NAB2: variants seen among roughly 807,000 people sequenced by gnomAD.
NAB2 encodes the protein NGFI-A binding protein 2.
NAB2 carries 9 observed loss-of-function variants against 44.2 expected under a neutral mutation model. The ratio of observed to expected loss-of-function variants is 0.20; its 90% CI spans 0.12 to 0.36. The LOEUF (loss-of-function observed/expected upper bound fraction) is 0.36. NAB2 is among the 10% of genes least tolerant of loss of function. The pLI, the probability that NAB2 is intolerant of heterozygous loss-of-function variation, is 1.00. For synonymous variants in NAB2, 342 were observed against 291.0 expected (o/e 1.18, Z -1.78); for missense variants, 514 against 709.0 (o/e 0.73, Z 3.12).
chr12:57,094,216 C>T (rs952088933), intron 6 of NAB2, among the ~76,000 whole-genome samples: 13 of 139,106 alleles, frequency 9.3e-5, no homozygotes, highest in Non-Finnish European at 1.5e-4. Flanking sequence ...TACCAAAAAA[C>T]TTGGGGGGCC....
chr12:57,094,617 G>T lies in NAB2; in HGVS notation c.1474G>T (p.Glu492Ter). The change falls in exon 7 of 7, where the codon GAG becomes TAG. Residue 492 changes from glutamate (E) to a stop codon, truncating the protein, a stop_gained. Coordinates refer to ENST00000300131, the MANE Select transcript of NAB2 (RefSeq NM_005967.4). LOFTEE classifies it high-confidence loss of function. ...VPAKPPLAEF[E>*]EGLLDRCPAP... ...CTGCCCCCTTTTCCCTGCAGAGTTC[G>T]AGGAAGGGCTGCTGGACAGATGTCC... 6.4e-7 allele frequency: 1 copy of T among 1,552,632 alleles called. No individual in the cohort carries two copies. Among genetic ancestry groups the T allele is most frequent in the East Asian group, 2.4e-5 (1 of 41,174 alleles).
intron 4 of NAB2, 28 bp from the exon 5 acceptor site, chr12:57,093,035 T>G (rs1316243763): frequency 1.2e-6 from 2 of 1,614,002 alleles, no homozygotes; most frequent in Non-Finnish European, 1.7e-6. Context: ...TTGGCAGGTC[T>G]TCATTTCCCC....
chr12:57,092,779 G>A (rs1462591884), intron 3 of NAB2, 138 bp from the exon 4 acceptor site: 10 of 1,333,200 alleles, frequency 7.5e-6, no homozygotes, highest in Non-Finnish European at 1.1e-5. Context: ...CAACAATAGT[G>A]CTTGAACTAG....
intron 1 of NAB2, among the ~76,000 whole-genome samples, chr12:57,090,658 C>T (rs2033166957): frequency 1.3e-5 from 2 of 152,206 alleles, no homozygotes; most frequent in Non-Finnish European, 2.9e-5. Context: ...GCAGCGTCCA[C>T]TGTGGGGGAG....
intron 6 of NAB2, 108 bp from the exon 7 acceptor site, chr12:57,094,504 A>G: frequency 1.1e-6 from 1 of 893,670 alleles, no homozygotes. Flanking sequence ...CAATAAACCT[A>G]AACTGAGCCC....
At chr12:57,090,976 T>C (rs2033173138) in intron 1 of NAB2, 149 bp from the exon 2 acceptor site, 1 of 640,728 alleles carries the variant, frequency 1.6e-6, no homozygotes, top group Non-Finnish European at 2.5e-6. Flanking sequence ...TGAGAGTCTG[T>C]ACTCAGACCT....
At position 57,094,749 on chromosome 12, in the gene NAB2, G is replaced by A; in HGVS notation, c.*28G>A. The A allele has an allele frequency of 6.6e-7, 1 of 1,525,514 alleles. No individual in the cohort carries two copies. The allele number at this position is 1,525,514 out of a possible 1,614,324, so 94.5% of individuals were successfully genotyped here. On this transcript the variant is annotated 3_prime_UTR_variant, in exon 7 of 7. Coordinates refer to ENST00000300131, the MANE Select transcript of NAB2 (RefSeq NM_005967.4). ...GTTGGACTGGTGTCTTCAGACCCAG[G>A]ACCTCAGACTTCTGGCTCACACAGA...
At chr12:57,093,251 G>C (rs1256566848) in intron 5 of NAB2, 56 bp downstream of exon 5, 1 of 1,518,076 alleles carries the variant, frequency 6.6e-7, no homozygotes, top group Non-Finnish European at 8.8e-7. Flanking sequence ...GTAGGGGAGG[G>C]GGTTGGGGGA....
In NAB2 at chr12:57,094,678, G is replaced by A. The variant is rs2033302685; in HGVS notation, c.1535G>A (p.Arg512His). The change falls in exon 7 of 7, where the codon CGC becomes CAC. Residue 512 changes from arginine (R) to histidine (H), a missense_variant. Transcript: ENST00000300131. ...PGPHPALVEG[R>H]RSSVKVEAEA... Reference sequence around the variant, plus strand: ...CCCCATCCCGCGCTGGTGGAGGGTCGCAGGAGCAGCGTGAAAGTGGAGGCT... The same window carrying A: ...CCCCATCCCGCGCTGGTGGAGGGTCACAGGAGCAGCGTGAAAGTGGAGGCT... The A allele has an allele frequency of 2.6e-6, 4 of 1,554,902 alleles. No homozygotes were observed. The highest frequency in any genetic ancestry group is 2.4e-5 in the East Asian group (1 of 41,478).
intron 6 of NAB2, 105 bp from the exon 7 acceptor site, chr12:57,094,507 C>G: frequency 1.1e-6 from 1 of 904,066 alleles, no homozygotes; most frequent in Non-Finnish European, 1.8e-6. Flanking sequence ...TAAACCTAAA[C>G]TGAGCCCATC....
chr12:57,092,179 G>A (rs2033205609), intron 2 of NAB2, 181 bp downstream of exon 2: 8 of 1,182,066 alleles, frequency 6.8e-6, no homozygotes, highest in Non-Finnish European at 9.2e-6. Context: ...CTCAGCTGAG[G>A]GGGAAGCAGA....
Position 57,089,121 on chromosome 12 carries a change from G to C in NAB2, c.-151G>C, listed in dbSNP as rs1351005856. 1 of 794,352 alleles carries C rather than the reference G, an allele frequency of 1.3e-6. No individual in the cohort carries two copies. Among genetic ancestry groups the C allele is most frequent in the African/African-American group, 1.8e-5 (1 of 56,768 alleles). 49.2% of individuals were successfully genotyped at this position (794,352 alleles called of 1,614,324 possible). A position where few individuals can be genotyped will look rare whatever the true frequency, so the allele number is the denominator to read the frequency against. On this transcript the variant is annotated 5_prime_UTR_variant, in exon 1 of 7. Coordinates refer to ENST00000300131, the MANE Select transcript of NAB2 (RefSeq NM_005967.4). ...GTGGGGGGGCAGAGGCACAGACAGA[G>C]GCGCGGAGGCTCGGAGAGAGAAGAC...
At chr12:57,090,795 C>A (rs1194842784) in intron 1 of NAB2, among the ~76,000 whole-genome samples, 1 of 152,206 alleles carries the variant, frequency 6.6e-6, no homozygotes, top group African/African-American at 2.4e-5. Flanking sequence ...CAGGTCGGTG[C>A]TGGTCAGCCT....
chr12:57,092,198 C>T, intron 2 of NAB2, 200 bp downstream of exon 2: 1 of 1,073,590 alleles, frequency 9.3e-7, no homozygotes, highest in Non-Finnish European at 1.3e-6. Flanking sequence ...GAGATACAGG[C>T]AGCACCGAGC....
chr12:57,089,282 C>T lies in NAB2; in HGVS notation c.11C>T (p.Ala4Val), dbSNP rs1169706579. The change falls in exon 1 of 7, where the codon GCG (alanine) becomes GTG (valine). Residue 4 changes from alanine to valine, a missense_variant. Ala to Val is a moderately conservative substitution (Grantham distance 64, BLOSUM62 0). This residue lies in a region of NAB2 where 56 missense variants were observed against 45.5 expected (regional missense o/e 1.23). Transcript: ENST00000300131. MHR[A>V]PSPTAEQPPG... ...GATCTCCGGCCGTCCATGCACAGAG[C>T]GCCTTCCCCCACAGCCGAGCAGCCG... 3 of 1,575,320 alleles carry T rather than the reference C, an allele frequency of 1.9e-6. No homozygotes were observed. Among genetic ancestry groups the T allele is most frequent in the Non-Finnish European group, 1.7e-6 (2 of 1,160,838 alleles).
intron 1 of NAB2, among the ~76,000 whole-genome samples, chr12:57,089,773 G>A (rs1345288879): frequency 7.8e-6 from 1 of 128,728 alleles, no homozygotes; most frequent in Non-Finnish European, 1.7e-5. Context: ...GCATCAGCGG[G>A]GGAAAGGGGG....
At position 57,089,249 on chromosome 12, in the gene NAB2, G is replaced by T. The variant is rs1370865089; in HGVS notation, c.-23G>T. 1.3e-6 allele frequency: 2 copies of T among 1,561,616 alleles called. No individual in the cohort carries two copies. The highest frequency in any genetic ancestry group is 2.4e-5 in the South Asian group (2 of 84,942). On this transcript the variant is annotated 5_prime_UTR_variant, in exon 1 of 7. Transcript: ENST00000300131. ...CGAGCGCCGGGCACCGAGAAGGGCA[G>T]CCCGGGTGATCTCCGGCCGTCCATG...
intron 1 of NAB2, among the ~76,000 whole-genome samples, chr12:57,089,733 G>T (rs1035337481): frequency 2.0e-5 from 1 of 49,428 alleles, no homozygotes; most frequent in Admixed American, 2.1e-4. Flanking sequence ...CACGGAGCGC[G>T]CGGGCCCCCG....
intron 1 of NAB2, among the ~76,000 whole-genome samples, chr12:57,090,016 G>A (rs149193167): frequency 1.3e-5 from 2 of 152,290 alleles, no homozygotes; most frequent in African/African-American, 2.4e-5. Flanking sequence ...TGGGCGGAAC[G>A]GCCCCGGAGC....
Sources: allele counts gnomAD v4.1 joint callset (sites outside exome capture counted in the v4.1 genomes callset), GRCh38; gene constraint gnomAD v4.1.1; regional missense constraint gnomAD v4.1.1; transcripts MANE v1.5; gene names NCBI Gene and HGNC (gene_info 2026-07-23, HGNC 2026-07-21).